OXR1: variants seen among roughly 807,000 people sequenced by gnomAD.
OXR1 encodes oxidation resistance 1.
In OXR1, 41 loss-of-function variants were observed where a neutral mutation model predicts 104.6. The observed-to-expected ratio is 0.39, with a 90% CI of 0.31 to 0.51. The LOEUF (loss-of-function observed/expected upper bound fraction) is 0.51. Ranked by LOEUF, OXR1 falls within the 20% of genes least tolerant of loss-of-function variation. The pLI is 0.77. For synonymous variants in OXR1, 348 were observed against 348.4 expected (o/e 1.00, Z 0.01); for missense variants, 955 against 1,031.9 (o/e 0.93, Z 1.02).
At chr8:106,271,359 T>C (rs1811798919) in intron 1 of OXR1, among the ~76,000 whole-genome samples, 1 of 152,068 alleles carries the variant, frequency 6.6e-6, no homozygotes, top group African/African-American at 2.4e-5. Flanking sequence ...CTGCTCGGGC[T>C]TCCGTTCAGT....
chr8:106,382,475 A>C (rs115646391), intron 2 of OXR1, among the ~76,000 whole-genome samples: 2,467 of 152,218 alleles, frequency 0.016, 74 homozygotes, highest in African/African-American at 0.056. Context: ...CATATAACTA[A>C]CATTGATCTA....
chr8:106,573,395 G>A (rs899810886), intron 3 of OXR1, among the ~76,000 whole-genome samples: 3 of 151,508 alleles, frequency 2.0e-5, no homozygotes, highest in East Asian at 1.9e-4. Context: ...AGCTTGAAGT[G>A]TGTGTTATAC....
At chr8:106,585,048 AG>A (rs1818527148) in intron 3 of OXR1, among the ~76,000 whole-genome samples, 1 of 152,184 alleles carries the variant, frequency 6.6e-6, no homozygotes, top group African/African-American at 2.4e-5. Flanking sequence ...CATGTCAATT[AG>A]AAAATCCACT....
intron 1 of OXR1, among the ~76,000 whole-genome samples, chr8:106,288,481 A>G (rs1384397542): frequency 6.6e-6 from 1 of 151,686 alleles, no homozygotes; most frequent in Non-Finnish European, 1.5e-5. Context: ...GAATTGATTT[A>G]AGAACACCTC....
At chr8:106,547,036 G>GTGC (rs1183718287) in intron 3 of OXR1, among the ~76,000 whole-genome samples, 1 of 152,194 alleles carries the variant, frequency 6.6e-6, no homozygotes, top group East Asian at 1.9e-4. Flanking sequence ...GATTACAAGT[G>GTGC]TGCACCACCA....
At chr8:106,639,329 A>G (rs930071705) in intron 3 of OXR1, among the ~76,000 whole-genome samples, 2 of 152,230 alleles carry the variant, frequency 1.3e-5, no homozygotes, top group African/African-American at 4.8e-5. Context: ...ATGGCCTTAA[A>G]CAATTGCCAT....
At position 106,737,608 on chromosome 8, in the gene OXR1, C is replaced by A; in HGVS notation, c.2037+8C>A. On this transcript the variant is annotated splice_region_variant and intron_variant, in intron 12 of 16. Transcript: ENST00000517566. ...CTCTGCAGACGCCTCCAGGTGCCCC[C>A]TTCAGTAGTTTAAACCCCTCCAGAG... 1 of 1,342,272 alleles carries A rather than the reference C, an allele frequency of 7.5e-7. No individual in the cohort carries two copies. The highest frequency in any genetic ancestry group is 9.8e-7 in the Non-Finnish European group (1 of 1,020,402). 83.1% of individuals were successfully genotyped at this position (1,342,272 alleles called of 1,614,324 possible).
chr8:106,633,276 ACCAAAG>A (rs1229615020), intron 3 of OXR1, among the ~76,000 whole-genome samples: 5 of 151,978 alleles, frequency 3.3e-5, no homozygotes, highest in African/African-American at 1.2e-4. Flanking sequence ...AAAAAAGCCA[ACCAAAG>A]AAAATATTGC....
intron 2 of OXR1, among the ~76,000 whole-genome samples, chr8:106,398,535 AT>A (rs1817875282): frequency 1.3e-5 from 2 of 152,126 alleles, no homozygotes; most frequent in South Asian, 4.1e-4. Flanking sequence ...AACCCTTTCT[AT>A]TTTTGAATAC....
At chr8:106,662,356 A>AT (rs1165680956) in intron 3 of OXR1, among the ~76,000 whole-genome samples, 1 of 152,176 alleles carries the variant, frequency 6.6e-6, no homozygotes, top group African/African-American at 2.4e-5. Context: ...TAATAATAAT[A>AT]TTTTTTTAAA....
At chr8:106,440,877 C>T (rs564917728) in intron 2 of OXR1, among the ~76,000 whole-genome samples, 14 of 151,958 alleles carry the variant, frequency 9.2e-5, no homozygotes, top group African/African-American at 3.4e-4. Flanking sequence ...ATGTGTATTC[C>T]TAGGTTAAAT....
At chr8:106,334,909 T>A (rs1814893653) in intron 1 of OXR1, among the ~76,000 whole-genome samples, 1 of 152,138 alleles carries the variant, frequency 6.6e-6, no homozygotes, top group African/African-American at 2.4e-5. Context: ...GGTTCGGCAT[T>A]GACTTCAATA....
intron 11 of OXR1, among the ~76,000 whole-genome samples, chr8:106,717,821 A>AGT (rs1428555123): frequency 1.0e-5 from 1 of 95,462 alleles, no homozygotes; most frequent in African/African-American, 5.1e-5. Flanking sequence ...AGTTGTAGTA[A>AGT]ATATTTTCAT....
At chr8:106,667,424 G>A (rs1044070199) in intron 3 of OXR1, among the ~76,000 whole-genome samples, 12 of 152,094 alleles carry the variant, frequency 7.9e-5, no homozygotes, top group African/African-American at 2.2e-4. Context: ...TATGATGCAA[G>A]TTAATAAAAG....
intron 6 of OXR1, among the ~76,000 whole-genome samples, chr8:106,687,094 A>G (rs1044462054): frequency 1.3e-5 from 2 of 152,176 alleles, no homozygotes; most frequent in South Asian, 4.1e-4. Flanking sequence ...GGTAGACTGC[A>G]TCAGTGCACT....
At chr8:106,554,335 GTTA>G (rs1816098403) in intron 3 of OXR1, among the ~76,000 whole-genome samples, 1 of 152,102 alleles carries the variant, frequency 6.6e-6, no homozygotes, top group Non-Finnish European at 1.5e-5. Context: ...CCTCCAAATG[GTTA>G]TTGTTTTTTT....
intron 2 of OXR1, among the ~76,000 whole-genome samples, chr8:106,419,585 C>T (rs541657042): frequency 3.3e-5 from 5 of 152,244 alleles, no homozygotes; most frequent in Non-Finnish European, 7.4e-5. Flanking sequence ...TGTGGGGCTG[C>T]GGACGGCCTC....
At chr8:106,402,298 C>T (rs1179509220) in intron 2 of OXR1, among the ~76,000 whole-genome samples, 2 of 152,162 alleles carry the variant, frequency 1.3e-5, no homozygotes, top group Admixed American at 6.5e-5. Context: ...TGCAGTCCCT[C>T]CAAGAATGGA....
chr8:106,425,083 G>GTTTTTTTTTTTTTTTTTTT lies in OXR1; in HGVS notation c.23+65455_23+65473dup, dbSNP rs748444311. 3.6e-5 allele frequency among the ~76,000 whole-genome samples: 3 copies of GTTTTTTTTTTTTTTTTTTT among 83,660 alleles called. 1 individual carries two copies. Among genetic ancestry groups the GTTTTTTTTTTTTTTTTTTT allele is most frequent in the African/African-American group, 5.3e-5 (1 of 18,990 alleles). The allele number at this position is 83,660 out of a possible 152,430, so 54.9% of individuals were successfully genotyped here. ...TTAGCAGGGTTTTTTGTTTGGTTTG[G>GTTTTTTTTTTTTTTTTTTT]TTTTTTTTTTTTTTTTTTTTTTTTT... On this transcript the variant is annotated intron_variant, in intron 2 of 16. Transcript: ENST00000517566.
Sources: allele counts gnomAD v4.1 joint callset (sites outside exome capture counted in the v4.1 genomes callset), GRCh38; gene constraint gnomAD v4.1.1; transcripts MANE v1.5; gene names NCBI Gene and HGNC (gene_info 2026-07-23, HGNC 2026-07-21).